The following CDH20 variants were observed in gnomAD, a reference collection of about 807,000 sequenced individuals.
The protein encoded by CDH20 is cadherin 20.
A neutral mutation model predicts 74.2 loss-of-function variants in CDH20; 29 were observed. That is an observed-to-expected ratio of 0.39 (90% CI 0.29 to 0.53). The LOEUF is 0.53. Among genes scored for constraint, CDH20 ranks in the 20% least tolerant of loss-of-function variants. CDH20 has a pLI of 0.69. For synonymous variants in CDH20, 469 were observed against 405.4 expected, an observed-to-expected ratio of 1.16 and a Z score of -1.88; for missense variants, 988 against 1,048.3, an observed-to-expected ratio of 0.94 and a Z score of 0.79.
intron 1 of CDH20, among the ~76,000 whole-genome samples, chr18:61,489,327 G>T (rs984629629): frequency 6.6e-6 from 1 of 152,126 alleles, no homozygotes; most frequent in Non-Finnish European, 1.5e-5. Flanking sequence ...GAAATGAAGT[G>T]TTATTTAGTT....
intron 1 of CDH20, among the ~76,000 whole-genome samples, chr18:61,450,682 T>C (rs988417431): frequency 6.6e-6 from 1 of 152,088 alleles, no homozygotes; most frequent in Non-Finnish European, 1.5e-5. Flanking sequence ...TACACATATA[T>C]GTACATGTAT....
intron 1 of CDH20, among the ~76,000 whole-genome samples, chr18:61,462,786 C>G (rs988033372): frequency 4.0e-5 from 6 of 150,234 alleles, no homozygotes; most frequent in African/African-American, 1.2e-4. Context: ...GCTAATAACT[C>G]AAGATCCTTG....
At chr18:61,377,293 T>A (rs1412952991) in intron 1 of CDH20, among the ~76,000 whole-genome samples, 2 of 152,102 alleles carry the variant, frequency 1.3e-5, no homozygotes, top group African/African-American at 4.8e-5. Context: ...GTCTGGGAAT[T>A]TGGCCTCTAG....
At chr18:61,502,875 G>A (rs1426669754) in intron 4 of CDH20, 78 bp from the exon 5 acceptor site, 2 of 1,207,490 alleles carry the variant, frequency 1.7e-6, no homozygotes, top group South Asian at 1.5e-5. Context: ...GGTGCACCAG[G>A]GAGACACCTA....
In CDH20 at chr18:61,378,515, C is replaced by T. The variant is rs142080939; in HGVS notation, c.-153+44688C>T. Among the ~76,000 whole-genome samples the T allele has an allele frequency of 3.0e-3, 461 of 152,286 alleles. 11 individuals carry two copies. Among genetic ancestry groups the T allele is most frequent in the East Asian group, 1.4e-3 (7 of 5,176 alleles). ...GTTGGACAGAGCAAGCTGCTGTACT[C>T]AGTCTACGGGCTCAGATTTTAATCT... On this transcript the variant is annotated intron_variant, in intron 1 of 11. Coordinates refer to ENST00000262717, the MANE Select transcript of CDH20 (RefSeq NM_031891.4).
chr18:61,378,773 G>A (rs1045508944), intron 1 of CDH20, among the ~76,000 whole-genome samples: 1 of 152,136 alleles, frequency 6.6e-6, no homozygotes, highest in African/African-American at 2.4e-5. Flanking sequence ...AAGGGAAATA[G>A]TTCTGCTTTT....
chr18:61,473,925 C>A (rs1032240340), intron 1 of CDH20, among the ~76,000 whole-genome samples: 1 of 152,208 alleles, frequency 6.6e-6, no homozygotes, highest in Non-Finnish European at 1.5e-5. Flanking sequence ...AAAGGTAGCT[C>A]GTTCTTTTCA....
At chr18:61,361,583 G>A (rs1317971206) in intron 1 of CDH20, among the ~76,000 whole-genome samples, 1 of 152,084 alleles carries the variant, frequency 6.6e-6, no homozygotes, top group Non-Finnish European at 1.5e-5. Context: ...GATAGTAATA[G>A]GACCAGAAGA....
At chr18:61,403,234 A>G (rs1009987563) in intron 1 of CDH20, among the ~76,000 whole-genome samples, 2 of 152,152 alleles carry the variant, frequency 1.3e-5, no homozygotes, top group Admixed American at 6.5e-5. Context: ...TGATCCATGC[A>G]TTTCTGGGAT....
chr18:61,400,118 G>A (rs1310517080), intron 1 of CDH20, among the ~76,000 whole-genome samples: 1 of 152,222 alleles, frequency 6.6e-6, no homozygotes, highest in Admixed American at 6.5e-5. Context: ...AGCTGAATGT[G>A]TTGCTGTACT....
At chr18:61,496,029 C>A (rs1287491751) in intron 2 of CDH20, among the ~76,000 whole-genome samples, 1 of 124,958 alleles carries the variant, frequency 8.0e-6, no homozygotes, top group Non-Finnish European at 1.8e-5. Flanking sequence ...CTTCCTCTCC[C>A]ACCTCTCTCC....
chr18:61,507,570 C>T lies in CDH20; in HGVS notation c.1017+10C>T. 1 of 1,590,004 alleles carries T rather than the reference C, an allele frequency of 6.3e-7. No homozygotes were observed. The highest frequency in any genetic ancestry group is 1.3e-5 in the African/African-American group (1 of 74,186). ...CATAACTGTGAAGAAGGTAATCCAA[C>T]TCCTTTTTCTAAACCACTTTCATGG... On this transcript the variant is annotated intron_variant, in intron 6 of 11. Coordinates refer to ENST00000262717, the MANE Select transcript of CDH20 (RefSeq NM_031891.4).
chr18:61,538,581 T>TGTTTTTTTTTTG (rs142450484), intron 8 of CDH20, among the ~76,000 whole-genome samples: 4 of 47,656 alleles, frequency 8.4e-5, no homozygotes, highest in South Asian at 7.5e-4. Context: ...ATAACTACTT[T>TGTTTTTTTTTTG]TTGTTTGTTT....
chr18:61,345,277 G>C (rs920031480), intron 1 of CDH20, among the ~76,000 whole-genome samples: 8 of 152,104 alleles, frequency 5.3e-5, no homozygotes, highest in Non-Finnish European at 1.0e-4. Context: ...GTATCAAGAT[G>C]GTTGTAGGAG....
chr18:61,531,882 G>T (rs143432102), intron 7 of CDH20, among the ~76,000 whole-genome samples: 1 of 152,178 alleles, frequency 6.6e-6, no homozygotes, highest in African/African-American at 2.4e-5. Context: ...TTTCCACTAC[G>T]ATTGTAAGTG....
chr18:61,468,377 C>T (rs1910041223), intron 1 of CDH20, among the ~76,000 whole-genome samples: 1 of 152,100 alleles, frequency 6.6e-6, no homozygotes, highest in East Asian at 1.9e-4. Flanking sequence ...TAAGGATGTT[C>T]TGAGTGAAGG....
At position 61,512,426 on chromosome 18, in the gene CDH20, T is replaced by C. The variant is rs1301860590; in HGVS notation, c.1017+4866T>C. 4.6e-5 allele frequency among the ~76,000 whole-genome samples: 7 copies of C among 152,340 alleles called. No individual in the cohort carries two copies. In the East Asian group the frequency reaches 1.3e-3, roughly 29 times the overall value. ...ATTCTATATTTCATCAAATCTGAGA[T>C]GTCATGAATTATAAATCTCATCATT... is the stretch of plus-strand genomic sequence containing the variant. On this transcript the variant is annotated intron_variant, in intron 6 of 11. Coordinates refer to ENST00000262717, the MANE Select transcript of CDH20 (RefSeq NM_031891.4).
At chr18:61,438,654 T>C (rs1908917650) in intron 1 of CDH20, among the ~76,000 whole-genome samples, 1 of 152,186 alleles carries the variant, frequency 6.6e-6, no homozygotes, top group African/African-American at 2.4e-5. Flanking sequence ...ATATTGTTAG[T>C]GGGAATGTTA....
At position 61,554,472 on chromosome 18, in the gene CDH20, C is replaced by T. The variant is rs1218552910; in HGVS notation, c.2183C>T (p.Ala728Val). The T allele has an allele frequency of 6.2e-7, 1 of 1,613,114 alleles. No homozygotes were observed. Among genetic ancestry groups the T allele is most frequent in the East Asian group, 2.2e-5 (1 of 44,850 alleles). ...AGCACTGTCCACAGCTACGTGCTGGCCAAGCTCTACGAGGCCGACATGGAC... is the reference window on the plus strand; with the variant it reads ...AGCACTGTCCACAGCTACGTGCTGGTCAAGCTCTACGAGGCCGACATGGAC... ...VNSTVHSYVL[A>V]KLYEADMDLW... Residue 728 changes from alanine (A) to valine (V), a missense_variant, in exon 12 of 12, where the codon GCC becomes GTC. Coordinates refer to ENST00000262717, the MANE Select transcript of CDH20 (RefSeq NM_031891.4).
Sources: gnomAD v4.1 joint callset for allele counts (sites outside exome capture counted in the v4.1 genomes callset) on GRCh38, gnomAD v4.1.1 for gene constraint, MANE v1.5 for transcripts, NCBI Gene and HGNC (gene_info 2026-07-23, HGNC 2026-07-21) for gene names.